Variants in SIRPB1 observed in about 807,000 individuals in gnomAD.
SIRPB1 encodes the protein signal regulatory protein beta 1, also known as signal-regulatory protein beta-1.
In SIRPB1, 28 loss-of-function variants were observed where a neutral mutation model predicts 34.1. The observed-to-expected ratio is 0.82, with a 90% CI of 0.61 to 1.12. The LOEUF (loss-of-function observed/expected upper bound fraction) is 1.12, where lower values mean the gene tolerates loss of function less well. SIRPB1 is among the 50% of genes most tolerant of loss of function. The pLI is 0.00. For synonymous variants in SIRPB1, 211 were observed against 203.8 expected (o/e 1.04, Z -0.30); for missense variants, 499 against 507.0 (o/e 0.98, Z 0.15).
In SIRPB1 at chr20:1,571,127, G is replaced by C. The variant is rs761896213; in HGVS notation, c.762C>G (p.Thr254=). Residue 254 remains threonine, a synonymous_variant, in exon 4 of 6, where the codon ACC becomes ACG. Transcript: ENST00000381605. Reference sequence around the variant, plus strand: ...TCATGGGCTGTTGAGTAACCTCCAAGGTGGGTGGAACTGAAACAGCACAGG... The same window carrying C: ...TCATGGGCTGTTGAGTAACCTCCAACGTGGGTGGAACTGAAACAGCACAGG... The part of the protein sequence containing the change: ...NLSEAIRVPP[T]LEVTQQPMRA... 1.9e-6 allele frequency: 3 copies of C among 1,613,368 alleles called. No individual in the cohort carries two copies. The highest frequency in any genetic ancestry group is 1.3e-5 in the African/African-American group (1 of 74,932).
chr20:1,616,656 A>C (rs1327969693), intron 1 of SIRPB1, among the ~76,000 whole-genome samples: 1 of 152,230 alleles, frequency 6.6e-6, no homozygotes, highest in African/African-American at 2.4e-5. Context: ...ATTTTCAGAT[A>C]TGAGTCCCAA....
At chr20:1,572,567 G>T (rs2091258555) in intron 2 of SIRPB1, among the ~76,000 whole-genome samples, 1 of 151,690 alleles carries the variant, frequency 6.6e-6, no homozygotes, top group Non-Finnish European at 1.5e-5. Flanking sequence ...CTGGGATGTC[G>T]CCAGGATTCA....
intron 1 of SIRPB1, among the ~76,000 whole-genome samples, chr20:1,613,951 C>G (rs1385201771): frequency 6.6e-6 from 1 of 152,082 alleles, no homozygotes; most frequent in Non-Finnish European, 1.5e-5. Context: ...CATTATAACC[C>G]AACTGTTGAA....
intron 4 of SIRPB1, among the ~76,000 whole-genome samples, chr20:1,567,086 A>G (rs1165335269): frequency 6.7e-6 from 1 of 149,994 alleles, no homozygotes; most frequent in African/African-American, 2.4e-5. Context: ...TAACAAAGGT[A>G]TTAAAAAAAA....
chr20:1,563,054 G>A lies in SIRPB1; in HGVS notation c.*2446C>T, dbSNP rs948387734. ...GAGGAGTGGTAATAAAAGGGCTGAA[G>A]ATGTCCCAAAGGTTGAAATGCCAGC... On this transcript the variant is annotated 3_prime_UTR_variant, in exon 6 of 6. Coordinates refer to ENST00000381605, the MANE Select transcript of SIRPB1 (RefSeq NM_006065.5). Among the ~76,000 whole-genome samples, 3 of 152,202 alleles carry A rather than the reference G, an allele frequency of 2.0e-5. No individual in the cohort carries two copies. Among genetic ancestry groups the A allele is most frequent in the Admixed American group, 1.3e-4 (2 of 15,278 alleles).
chr20:1,579,431 G>T (rs2091370794), intron 1 of SIRPB1, among the ~76,000 whole-genome samples: 1 of 148,080 alleles, frequency 6.8e-6, no homozygotes, highest in South Asian at 2.1e-4. Flanking sequence ...CTTGAGTTAT[G>T]AGCAGAATGA....
intron 3 of SIRPB1, 141 bp downstream of exon 3, chr20:1,571,579 G>T: frequency 8.2e-7 from 1 of 1,223,082 alleles, no homozygotes; most frequent in South Asian, 1.5e-5. Context: ...GATAGTAAGT[G>T]ACCGGCTCAC....
At chr20:1,569,775 A>G (rs1466406932) in intron 4 of SIRPB1, among the ~76,000 whole-genome samples, 3 of 152,228 alleles carry the variant, frequency 2.0e-5, no homozygotes, top group African/African-American at 7.2e-5. Context: ...AATGGCTTCT[A>G]TGCTGGGGTT....
rs1360971877 is a variant in SIRPB1, at chr20:1,573,596, A to C, written c.434-1559T>G. On this transcript the variant is annotated intron_variant, in intron 2 of 5. Transcript: ENST00000381605. ...GTCAAGTCTTTGAGACACCAGCAGC[A>C]TGGGTGTCCCTAGAAGGCTGAGAGG... is the stretch of plus-strand genomic sequence containing the variant. Among the ~76,000 whole-genome samples, 3 of 139,766 alleles carry C rather than the reference A, an allele frequency of 2.1e-5. No homozygotes were observed. The East Asian group carries it at 6.1e-4, about 28-fold the overall frequency. 91.7% of individuals were successfully genotyped at this position (139,766 alleles called of 152,430 possible).
chr20:1,607,563 CT>C lies in SIRPB1; in HGVS notation c.76+12305del, dbSNP rs1270300737. 2.5e-4 allele frequency among the ~76,000 whole-genome samples: 8 copies of C among 32,534 alleles called. 3 individuals carry two copies. In the East Asian group the frequency reaches 7.8e-3, roughly 32 times the overall value. 21.3% of individuals were successfully genotyped at this position (32,534 alleles called of 152,430 possible). ...GGGTTCCTGGGTCCAGCTTTGCAAA[CT>C]TTTTTTTTGATAGTTTTCCCAATGA... On this transcript the variant is annotated intron_variant, in intron 1 of 5. Transcript: ENST00000381605.
At position 1,561,459 on chromosome 20, in the gene SIRPB1, T is replaced by C. The variant is rs952820442; in HGVS notation, c.*4041A>G. ...GTCGTTTTTCTCTTCCAGCATCCCATCCAGGATACCTGTTACATTTACTTG... is the reference window on the plus strand; with the variant it reads ...GTCGTTTTTCTCTTCCAGCATCCCACCCAGGATACCTGTTACATTTACTTG... On this transcript the variant is annotated 3_prime_UTR_variant, in exon 6 of 6. Transcript: ENST00000381605. 6.6e-6 allele frequency among the ~76,000 whole-genome samples: 1 copy of C among 150,996 alleles called. No homozygotes were observed. The highest frequency in any genetic ancestry group is 2.4e-5 in the African/African-American group (1 of 41,188).
intron 1 of SIRPB1, among the ~76,000 whole-genome samples, chr20:1,614,554 A>G (rs2091602875): frequency 6.6e-6 from 1 of 151,658 alleles, no homozygotes; most frequent in Non-Finnish European, 1.5e-5. Flanking sequence ...CAGGGATCCC[A>G]TCTCTCTTGC....
intron 3 of SIRPB1, 112 bp downstream of exon 3, chr20:1,571,608 G>A: frequency 1.3e-6 from 2 of 1,500,518 alleles, no homozygotes; most frequent in South Asian, 1.2e-5. Flanking sequence ...ATGGGAGGTG[G>A]ACAACACAGT....
chr20:1,569,933 G>A (rs1263156004), intron 4 of SIRPB1, among the ~76,000 whole-genome samples: 1 of 152,160 alleles, frequency 6.6e-6, no homozygotes, highest in East Asian at 1.9e-4. Context: ...TTATAGAGAG[G>A]GGGAACACTG....
chr20:1,577,608 A>T (rs1007089806), intron 2 of SIRPB1, among the ~76,000 whole-genome samples: 1 of 147,206 alleles, frequency 6.8e-6, no homozygotes, highest in Non-Finnish European at 1.5e-5. Context: ...CTCGGAGCCC[A>T]TGGTAACTCT....
chr20:1,578,733 C>A (rs964001982), intron 1 of SIRPB1, 39 bp from the exon 2 acceptor site: 3 of 1,463,660 alleles, frequency 2.0e-6, no homozygotes, highest in Admixed American at 3.4e-5. Flanking sequence ...TTCATCCTTA[C>A]CTGATTCTCT....
In SIRPB1 at chr20:1,563,781, A is replaced by C. The variant is rs2091097637; in HGVS notation, c.*1719T>G. On this transcript the variant is annotated 3_prime_UTR_variant, in exon 6 of 6. Coordinates refer to ENST00000381605, the MANE Select transcript of SIRPB1 (RefSeq NM_006065.5). ...GGGGACTTGCCACACACTTTCAAAA[A>C]ACCAGATCTCATGAGAACTCACTGA... is the stretch of plus-strand genomic sequence containing the variant. 6.6e-6 allele frequency: 1 copy of C among 152,100 alleles called. No individual in the cohort carries two copies. Among genetic ancestry groups the C allele is most frequent in the African/African-American group, 2.4e-5 (1 of 41,378 alleles). The allele number at this position is 152,100 out of a possible 1,614,324, so 9.4% of individuals were successfully genotyped here. A position where few individuals can be genotyped will look rare whatever the true frequency, so the allele number is the denominator to read the frequency against.
intron 1 of SIRPB1, among the ~76,000 whole-genome samples, chr20:1,612,287 G>T (rs1397501298): frequency 1.4e-5 from 1 of 72,730 alleles, no homozygotes. Context: ...GAGCCACCAT[G>T]CCTGGCCAAG....
intron 2 of SIRPB1, among the ~76,000 whole-genome samples, chr20:1,576,873 C>A (rs950011622): frequency 6.7e-6 from 1 of 148,694 alleles, no homozygotes; most frequent in Non-Finnish European, 1.5e-5. Context: ...AACACCACTT[C>A]CAGTGGGAAT....
Sources: gnomAD v4.1 joint callset for allele counts (sites outside exome capture counted in the v4.1 genomes callset) on GRCh38, gnomAD v4.1.1 for gene constraint, MANE v1.5 for transcripts, NCBI Gene and HGNC (gene_info 2026-07-23, HGNC 2026-07-21) for gene names.